Variants in CXCR5 observed in about 807,000 individuals in gnomAD.
CXCR5 encodes the protein C-X-C chemokine receptor type 5.
In CXCR5, 3 loss-of-function variants were observed where a neutral mutation model predicts 5.6. The observed-to-expected ratio is 0.54, with a 90% CI of 0.24 to 1.39. The LOEUF is 1.39. Among genes scored for constraint, CXCR5 ranks in the 40% most tolerant of loss-of-function variants. CXCR5 has a pLI of 0.16. For missense variants in CXCR5, 333 were observed against 494.6 expected (o/e 0.67, Z 3.10); for synonymous variants, 218 against 219.9 (o/e 0.99, Z 0.08).
chr11:118,887,915 T>C (rs947262655), intron 1 of CXCR5, among the ~76,000 whole-genome samples: 1 of 152,214 alleles, frequency 6.6e-6, no homozygotes, highest in African/African-American at 2.4e-5. Context: ...ACTCAGGCCT[T>C]GGAGTCCTGG....
At chr11:118,887,222 A>G in intron 1 of CXCR5, 1 of 985,286 alleles carries the variant, frequency 1.0e-6, no homozygotes, top group Non-Finnish European at 1.2e-6. Context: ...CTCCTCTAGC[A>G]GAACGGCAGA....
At chr11:118,889,333 T>C (rs1939770910) in intron 1 of CXCR5, among the ~76,000 whole-genome samples, 1 of 152,240 alleles carries the variant, frequency 6.6e-6, no homozygotes, top group Non-Finnish European at 1.5e-5. Flanking sequence ...CCTGTGTCTA[T>C]GCAAGGTGCA....
In CXCR5 at chr11:118,893,956, C is replaced by A; in HGVS notation, c.412C>A (p.Leu138Met). 3 of 1,613,982 alleles carry A rather than the reference C, an allele frequency of 1.9e-6. No homozygotes were observed. Among genetic ancestry groups the A allele is most frequent in the Non-Finnish European group, 2.5e-6 (3 of 1,180,038 alleles). The change falls in exon 2 of 2, where the codon CTG (leucine) becomes ATG (methionine). Residue 138 changes from leucine to methionine, a missense_variant. Leu to Met is a conservative substitution (Grantham distance 15, BLOSUM62 2). Coordinates refer to ENST00000292174, the MANE Select transcript of CXCR5 (RefSeq NM_001716.5). The surrounding 1 kb of genome is among the most constrained non-coding windows in gnomAD (Gnocchi z 5.7). ...CAAAGTCAACTTCTACTGCAGCAGC[C>A]TGCTCCTGGCCTGCATCGCCGTGGA... ...LHKVNFYCSS[L>M]LLACIAVDRY...
chr11:118,893,989 C>T lies in CXCR5; in HGVS notation c.445C>T (p.Leu149=), dbSNP rs778052526. ...LLACIAVDRY[L]AIVHAVHAYR... ...GGCCTGCATCGCCGTGGACCGCTAC[C>T]TGGCCATTGTCCACGCCGTCCATGC... The change falls in exon 2 of 2, where the codon CTG becomes TTG. Residue 149 remains leucine (L), a synonymous_variant. Transcript: ENST00000292174. The surrounding 1 kb of genome is among the most constrained non-coding windows in gnomAD (Gnocchi z 5.7). 13 of 1,613,906 alleles carry T rather than the reference C, an allele frequency of 8.1e-6. No individual in the cohort carries two copies. Among genetic ancestry groups the T allele is most frequent in the Non-Finnish European group, 1.0e-5 (12 of 1,180,032 alleles).
chr11:118,890,975 G>C (rs181513650), intron 1 of CXCR5, among the ~76,000 whole-genome samples: 5 of 152,304 alleles, frequency 3.3e-5, no homozygotes, highest in Non-Finnish European at 5.9e-5. Flanking sequence ...GCAGGAGGAG[G>C]ATCACTTGGG....
In CXCR5 at chr11:118,883,978, A is replaced by G. The variant is rs777653382; in HGVS notation, c.37A>G (p.Asn13Asp). The G allele has an allele frequency of 6.2e-7, 1 of 1,612,846 alleles. No homozygotes were observed. The highest frequency in any genetic ancestry group is 1.1e-5 in the South Asian group (1 of 90,790). The stretch of plus-strand genomic sequence containing the variant: ...GCTAACGCTGGAAATGGACCTCGAG[A>G]ACCTGGAGGACCTGGTGAGTAGACA... ...YPLTLEMDLENLEDLFWELDR... is the reference protein window; with the variant it reads ...YPLTLEMDLEDLEDLFWELDR... Residue 13 changes from asparagine to aspartate, a missense_variant, in exon 1 of 2, where the codon AAC becomes GAC. Physicochemically the swap from Asn to Asp is conservative, Grantham distance 23. Coordinates refer to ENST00000292174, the MANE Select transcript of CXCR5 (RefSeq NM_001716.5).
In CXCR5 at chr11:118,894,617, GC is replaced by G; in HGVS notation, c.1074del (p.Ser358ArgfsTer44). The G allele has an allele frequency of 6.6e-7, 1 of 1,519,642 alleles. No individual in the cohort carries two copies. The allele number at this position is 1,519,642 out of a possible 1,614,324, so 94.1% of individuals were successfully genotyped here. ...LCQLFPSWRR[S>X]SLSESENATS... ...CAGCTCTTCCCTAGCTGGCGCAGGAGCAGTCTCTCTGAGTCAGAGAATGCCA... is the reference window on the plus strand; with the variant it reads ...CAGCTCTTCCCTAGCTGGCGCAGGAGAGTCTCTCTGAGTCAGAGAATGCCA... On this transcript the variant is annotated frameshift_variant, in exon 2 of 2. Coordinates refer to ENST00000292174, the MANE Select transcript of CXCR5 (RefSeq NM_001716.5). LOFTEE classifies it high-confidence loss of function. The surrounding 1 kb of genome is among the most constrained non-coding windows in gnomAD (Gnocchi z 6.1).
At chr11:118,886,483 G>A (rs774537640) in intron 1 of CXCR5, 35 of 394,442 alleles carry the variant, frequency 8.9e-5, no homozygotes, top group African/African-American at 6.2e-4. Flanking sequence ...AGGGGCTGGG[G>A]GGTGGGGACG....
Position 118,897,675 on chromosome 11 carries a change from G to A in CXCR5, c.*3012G>A. On this transcript the variant is annotated 3_prime_UTR_variant, in exon 2 of 2. Coordinates refer to ENST00000292174, the MANE Select transcript of CXCR5 (RefSeq NM_001716.5). ...CCAGAGACACTGCAAACAGTGGGTG[G>A]CCATGTAGGGCTGCATGTCCCTGGG... 2.4e-6 allele frequency: 1 copy of A among 413,550 alleles called. No homozygotes were observed. Among genetic ancestry groups the A allele is most frequent in the South Asian group, 1.8e-5 (1 of 56,680 alleles). 25.6% of individuals were successfully genotyped at this position (413,550 alleles called of 1,614,324 possible).
chr11:118,893,730 C>T lies in CXCR5; in HGVS notation c.186C>T (p.Phe62=). 6.2e-7 allele frequency: 1 copy of T among 1,614,248 alleles called. No homozygotes were observed. Among genetic ancestry groups the T allele is most frequent in the Non-Finnish European group, 8.5e-7 (1 of 1,180,042 alleles). ...TGCCCGTGGCCTACAGCCTCATCTTCCTCCTGGGCGTGATCGGCAACGTCC... is the reference window on the plus strand; with the variant it reads ...TGCCCGTGGCCTACAGCCTCATCTTTCTCCTGGGCGTGATCGGCAACGTCC... ...VFVPVAYSLI[F]LLGVIGNVLV... The change falls in exon 2 of 2, where the codon TTC becomes TTT. Residue 62 remains phenylalanine (F), a synonymous_variant. Transcript: ENST00000292174. This position sits in a 1 kb window ranked among gnomAD's most constrained non-coding sequence, Gnocchi z 5.7.
Position 118,883,936 on chromosome 11 carries a change from A to G in CXCR5, c.-6A>G, listed in dbSNP as rs1939669352. 1.9e-6 allele frequency: 3 copies of G among 1,611,130 alleles called. No homozygotes were observed. Among genetic ancestry groups the G allele is most frequent in the South Asian group, 1.1e-5 (1 of 90,372 alleles). ...ACCAGTCTGGTGACTCACAGCCGGC[A>G]CAGCCATGAACTACCCGCTAACGCT... On this transcript the variant is annotated 5_prime_UTR_variant, in exon 1 of 2. Transcript: ENST00000292174.
chr11:118,886,139 A>G (rs1939706474), intron 1 of CXCR5: 1 of 341,086 alleles, frequency 2.9e-6, no homozygotes. Flanking sequence ...GCAGCTTCTC[A>G]ATAAGTATTT....
chr11:118,894,628 G>T lies in CXCR5; in HGVS notation c.1084G>T (p.Glu362Ter). 6.6e-7 allele frequency: 1 copy of T among 1,513,482 alleles called. No individual in the cohort carries two copies. The highest frequency in any genetic ancestry group is 1.8e-4 in the Middle Eastern group (1 of 5,572). 93.8% of individuals were successfully genotyped at this position (1,513,482 alleles called of 1,614,324 possible). A position where few individuals can be genotyped will look rare whatever the true frequency, so the allele number is the denominator to read the frequency against. Residue 362 changes from glutamate to a stop codon, truncating the protein, a stop_gained, in exon 2 of 2, where the codon GAG becomes TAG. Coordinates refer to ENST00000292174, the MANE Select transcript of CXCR5 (RefSeq NM_001716.5). LOFTEE classifies it high-confidence loss of function. This position sits in a 1 kb window ranked among gnomAD's most constrained non-coding sequence, Gnocchi z 6.1. ...TAGCTGGCGCAGGAGCAGTCTCTCT[G>T]AGTCAGAGAATGCCACCTCTCTCAC... Reference protein sequence around the residue: ...FPSWRRSSLSESENATSLTTF With the variant: ...FPSWRRSSLS
chr11:118,897,668 G>A lies in CXCR5; in HGVS notation c.*3005G>A, dbSNP rs943730461. 4.9e-6 allele frequency: 2 copies of A among 407,282 alleles called. No individual in the cohort carries two copies. The highest frequency in any genetic ancestry group is 4.2e-5 in the African/African-American group (2 of 47,622). The allele number at this position is 407,282 out of a possible 1,614,324, so 25.2% of individuals were successfully genotyped here. A position where few individuals can be genotyped will look rare whatever the true frequency, so the allele number is the denominator to read the frequency against. On this transcript the variant is annotated 3_prime_UTR_variant, in exon 2 of 2. Coordinates refer to ENST00000292174, the MANE Select transcript of CXCR5 (RefSeq NM_001716.5). ...TAGGGACCCAGAGACACTGCAAACA[G>A]TGGGTGGCCATGTAGGGCTGCATGT...
At chr11:118,891,992 G>A (rs76457018) in intron 1 of CXCR5, among the ~76,000 whole-genome samples, 13,432 of 152,022 alleles carry the variant, frequency 0.088, 774 homozygotes, top group Middle Eastern at 0.18. Flanking sequence ...ACATTGATGC[G>A]ATGGGATTTG....
In CXCR5 at chr11:118,893,742, G is replaced by C. The variant is rs1469139388; in HGVS notation, c.198G>C (p.Val66=). The part of the protein sequence containing the change: ...VAYSLIFLLG[V]IGNVLVLVIL... ...ACAGCCTCATCTTCCTCCTGGGCGT[G>C]ATCGGCAACGTCCTGGTGCTGGTGA... The change falls in exon 2 of 2, where the codon GTG becomes GTC. Residue 66 remains valine (V), a synonymous_variant. Transcript: ENST00000292174. The surrounding 1 kb of genome is among the most constrained non-coding windows in gnomAD (Gnocchi z 5.7). The C allele has an allele frequency of 1.3e-5, 21 of 1,614,212 alleles. No homozygotes were observed. Among genetic ancestry groups the C allele is most frequent in the Non-Finnish European group, 1.8e-5 (21 of 1,180,042 alleles).
In CXCR5 at chr11:118,895,822, C is replaced by A. The variant is rs1220464167; in HGVS notation, c.*1159C>A. The A allele has an allele frequency of 6.0e-6, 1 of 167,288 alleles. No homozygotes were observed. Among genetic ancestry groups the A allele is most frequent in the Non-Finnish European group, 1.5e-5 (1 of 68,286 alleles). 10.4% of individuals were successfully genotyped at this position (167,288 alleles called of 1,614,324 possible). ...TGAGGATGTCACTCAGATGGAACCG[C>A]AGGAAGCTGCTCCGTGCTTGTTTGC... is the stretch of plus-strand genomic sequence containing the variant. On this transcript the variant is annotated 3_prime_UTR_variant, in exon 2 of 2. Transcript: ENST00000292174. This position sits in a 1 kb window ranked among gnomAD's most constrained non-coding sequence, Gnocchi z 4.2.
intron 1 of CXCR5, among the ~76,000 whole-genome samples, chr11:118,890,375 A>G (rs1309751272): frequency 6.6e-6 from 1 of 152,182 alleles, no homozygotes; most frequent in Non-Finnish European, 1.5e-5. Context: ...CCATCTGGTT[A>G]GAAAGTGTCA....
intron 1 of CXCR5, among the ~76,000 whole-genome samples, chr11:118,889,772 AG>A (rs1425675464): frequency 6.6e-6 from 1 of 152,208 alleles, no homozygotes; most frequent in Non-Finnish European, 1.5e-5. Context: ...AGGAAGACAC[AG>A]GCCCCTCCCA....
Sources: allele counts gnomAD v4.1 joint callset (sites outside exome capture counted in the v4.1 genomes callset), GRCh38; gene constraint gnomAD v4.1.1; non-coding constraint Gnocchi (gnomAD v3.1); transcripts MANE v1.5; gene names NCBI Gene and HGNC (gene_info 2026-07-23, HGNC 2026-07-21).